Variants in CDC14B observed in about 807,000 individuals in gnomAD.
CDC14B encodes the protein dual specificity protein phosphatase CDC14B.
In CDC14B, 22 loss-of-function variants were observed where a neutral mutation model predicts 64.2. The observed-to-expected ratio is 0.34, with a 90% CI of 0.24 to 0.49. CDC14B has a LOEUF of 0.49. Among genes scored for constraint, CDC14B ranks in the 20% least tolerant of loss-of-function variants. The pLI is 0.99. For synonymous variants in CDC14B, 191 were observed against 215.8 expected (o/e 0.89, Z 1.01); for missense variants, 498 against 629.9 (o/e 0.79, Z 2.24).
chr9:96,518,616 C>G (rs994844500), intron 12 of CDC14B, among the ~76,000 whole-genome samples: 12 of 152,078 alleles, frequency 7.9e-5, no homozygotes, highest in African/African-American at 2.9e-4. Context: ...CAAGTTATAC[C>G]CACACCATCT....
At chr9:96,596,449 T>G (rs1366016072) in intron 1 of CDC14B, among the ~76,000 whole-genome samples, 1 of 150,650 alleles carries the variant, frequency 6.6e-6, no homozygotes, top group African/African-American at 2.4e-5. Context: ...AAACTACAAT[T>G]ATGAGATGAA....
intron 9 of CDC14B, among the ~76,000 whole-genome samples, chr9:96,524,231 C>T (rs528288656): frequency 1.3e-4 from 20 of 152,352 alleles, no homozygotes; most frequent in African/African-American, 4.6e-4. Context: ...TGAGCCACCA[C>T]GCCTGGCCTT....
intron 9 of CDC14B, among the ~76,000 whole-genome samples, chr9:96,527,654 C>A (rs1266368848): frequency 1.3e-5 from 2 of 151,606 alleles, no homozygotes; most frequent in South Asian, 4.2e-4. Context: ...CTTGCTCTGT[C>A]GCCCAGGCCG....
chr9:96,583,786 T>C (rs1415293437), intron 1 of CDC14B, among the ~76,000 whole-genome samples: 3 of 152,104 alleles, frequency 2.0e-5, no homozygotes, highest in African/African-American at 7.2e-5. Flanking sequence ...TGGCGCGATC[T>C]AGGCTCCCTG....
At chr9:96,556,461 G>A (rs1236187891) in intron 4 of CDC14B, among the ~76,000 whole-genome samples, 1 of 151,786 alleles carries the variant, frequency 6.6e-6, no homozygotes, top group Admixed American at 6.6e-5. Flanking sequence ...AAAGAACACA[G>A]AGAATAAAAA....
intron 4 of CDC14B, among the ~76,000 whole-genome samples, chr9:96,561,880 G>A (rs1843259316): frequency 1.3e-5 from 2 of 152,092 alleles, no homozygotes. Flanking sequence ...ACTCCCCACT[G>A]AACAGCGTGG....
intron 1 of CDC14B, among the ~76,000 whole-genome samples, chr9:96,593,285 G>C (rs562862589): frequency 7.9e-5 from 12 of 152,162 alleles, no homozygotes; most frequent in African/African-American, 2.9e-4. Flanking sequence ...TCAAGAGATA[G>C]AGACCATCCT....
In CDC14B at chr9:96,503,523, C is replaced by T. The variant is rs1833733718; in HGVS notation, c.*230G>A. The stretch of plus-strand genomic sequence containing the variant: ...ACACCTGAGACTAAATTTACAACAG[C>T]ATGTTTGTCATTCAGCTTGAGAGCT... On this transcript the variant is annotated 3_prime_UTR_variant, in exon 14 of 14. Coordinates refer to ENST00000375241, the MANE Select transcript of CDC14B (RefSeq NM_033331.4). The T allele has an allele frequency of 5.8e-5, 32 of 550,078 alleles. 1 individual carries two copies. The South Asian group carries it at 7.5e-4, about 13-fold the overall frequency. The allele number at this position is 550,078 out of a possible 1,614,324, so 34.1% of individuals were successfully genotyped here. A position where few individuals can be genotyped will look rare whatever the true frequency, so the allele number is the denominator to read the frequency against.
At chr9:96,529,620 T>C (rs1564256338) in intron 9 of CDC14B, among the ~76,000 whole-genome samples, 1 of 151,500 alleles carries the variant, frequency 6.6e-6, no homozygotes, top group Admixed American at 6.6e-5. Context: ...GCTTCCCGAG[T>C]AGCTGGGACT....
At chr9:96,531,742 A>G (rs1163272983) in intron 9 of CDC14B, among the ~76,000 whole-genome samples, 1 of 152,196 alleles carries the variant, frequency 6.6e-6, no homozygotes, top group Non-Finnish European at 1.5e-5. Flanking sequence ...ATATTATAAT[A>G]TTTGCAAGTT....
chr9:96,535,324 A>G (rs1839133541), intron 7 of CDC14B, among the ~76,000 whole-genome samples: 2 of 152,166 alleles, frequency 1.3e-5, no homozygotes, highest in South Asian at 4.1e-4. Flanking sequence ...CAAAAATTAA[A>G]AAAATAAATA....
rs375695038 is a variant in CDC14B, at chr9:96,571,288, G to A, written c.161-5805C>T. 1.9e-3 allele frequency among the ~76,000 whole-genome samples: 290 copies of A among 151,666 alleles called. 4 individuals are homozygous for A. The highest frequency in any genetic ancestry group is 6.6e-3 in the African/African-American group (271 of 41,290). ...CTTCCTGGGTTCAAGCGATTCTCCT[G>A]CCTCAGCCTCCCGAGTAGCTGGGAC... On this transcript the variant is annotated intron_variant, in intron 1 of 13. Coordinates refer to ENST00000375241, the MANE Select transcript of CDC14B (RefSeq NM_033331.4).
intron 3 of CDC14B, among the ~76,000 whole-genome samples, chr9:96,563,796 G>A: frequency 6.6e-6 from 1 of 152,044 alleles, no homozygotes; most frequent in Non-Finnish European, 1.5e-5. Flanking sequence ...AATGTTGGAG[G>A]AAGAGAGAAT....
At chr9:96,539,284 G>A in intron 6 of CDC14B, 144 bp from the exon 7 acceptor site, 1 of 603,118 alleles carries the variant, frequency 1.7e-6, no homozygotes, top group East Asian at 2.8e-5. Flanking sequence ...GCTTTCAAAG[G>A]AAGTGGGCGG....
At chr9:96,615,226 C>T (rs1847550223) in intron 1 of CDC14B, among the ~76,000 whole-genome samples, 2 of 152,132 alleles carry the variant, frequency 1.3e-5, no homozygotes, top group South Asian at 4.1e-4. Context: ...CGTGTCATTG[C>T]ACATGGCAAG....
rs1306629765 is a variant in CDC14B, at chr9:96,619,546, C to A, written c.-168G>T. On this transcript the variant is annotated 5_prime_UTR_variant, in exon 1 of 14. Transcript: ENST00000375241. The stretch of plus-strand genomic sequence containing the variant: ...CCGGCGGGAGGCGGTCGCGCAGGAG[C>A]CGGAGGAGGAGCCCGGCCCACAGCG... The A allele has an allele frequency of 5.9e-6, 1 of 169,108 alleles. No homozygotes were observed. Among genetic ancestry groups the A allele is most frequent in the Non-Finnish European group, 1.2e-5 (1 of 86,856 alleles). The allele number at this position is 169,108 out of a possible 1,614,324, so 10.5% of individuals were successfully genotyped here.
intron 5 of CDC14B, among the ~76,000 whole-genome samples, chr9:96,542,657 T>TC: frequency 8.1e-6 from 1 of 123,338 alleles, no homozygotes; most frequent in African/African-American, 4.4e-5. Flanking sequence ...TCTAGCTAAC[T>TC]TTTTTTTTTT....
chr9:96,553,047 A>G (rs1453359515), intron 4 of CDC14B, among the ~76,000 whole-genome samples: 1 of 152,226 alleles, frequency 6.6e-6, no homozygotes, highest in African/African-American at 2.4e-5. Flanking sequence ...CCCATGTCTT[A>G]TGGTTTCATT....
downstream of CDC14B, among the ~76,000 whole-genome samples, chr9:96,499,008 T>G (rs1218192330): frequency 6.6e-6 from 1 of 152,300 alleles, no homozygotes; most frequent in Non-Finnish European, 1.5e-5. Flanking sequence ...TCTCAAACAA[T>G]GCCTCCAAGC....
Sources: gnomAD v4.1 joint callset for allele counts (sites outside exome capture counted in the v4.1 genomes callset) on GRCh38, gnomAD v4.1.1 for gene constraint, MANE v1.5 for transcripts, NCBI Gene and HGNC (gene_info 2026-07-23, HGNC 2026-07-21) for gene names.